The following EML1 variants were observed in gnomAD, a reference collection of about 807,000 sequenced individuals.
The protein encoded by EML1 is EMAP like 1, also known as echinoderm microtubule-associated protein-like 1.
Under a neutral mutation model 110.4 loss-of-function variants are expected in EML1, and 27 were observed. The ratio of observed to expected loss-of-function variants is 0.24; its 90% confidence interval spans 0.18 to 0.34. The LOEUF (loss-of-function observed/expected upper bound fraction) is 0.34. EML1 is among the 10% of genes least tolerant of loss of function. The pLI, the probability that EML1 is intolerant of heterozygous loss-of-function variation, is 1.00. For synonymous variants in EML1, 344 were observed against 385.8 expected, an observed-to-expected ratio of 0.89 and a Z score of 1.27; for missense variants, 741 against 1,030.9, an observed-to-expected ratio of 0.72 and a Z score of 3.85.
intron 1 of EML1, 135 bp downstream of exon 1, chr14:99,793,678 G>A (rs1276848406): frequency 8.4e-5 from 51 of 608,450 alleles, no homozygotes; most frequent in Non-Finnish European, 9.8e-5. Context: ...TTGCGGAGGG[G>A]CGCGCGGTCC....
At chr14:99,766,998 G>C (rs959971228) in intron 1 of EML1, among the ~76,000 whole-genome samples, 1 of 152,196 alleles carries the variant, frequency 6.6e-6, no homozygotes, top group African/African-American at 2.4e-5. Context: ...AGGTCCTCTT[G>C]CTGGCCCTGC....
At chr14:99,853,782 G>A (rs1400023242) in intron 2 of EML1, among the ~76,000 whole-genome samples, 1 of 152,126 alleles carries the variant, frequency 6.6e-6, no homozygotes, top group African/African-American at 2.4e-5. Flanking sequence ...CGATTCTCCA[G>A]CCTCAGCTTC....
chr14:99,914,748 C>T (rs1301694861), intron 15 of EML1, 51 bp downstream of exon 15: 4 of 1,549,612 alleles, frequency 2.6e-6, no homozygotes, highest in Non-Finnish European at 2.6e-6. Context: ...TCATCTGGAA[C>T]ATGTTTATTT....
intron 2 of EML1, among the ~76,000 whole-genome samples, chr14:99,858,704 G>A (rs2058948273): frequency 6.6e-6 from 1 of 152,174 alleles, no homozygotes; most frequent in Admixed American, 6.5e-5. Flanking sequence ...GCTGGATGAT[G>A]GTGATGGTGA....
At chr14:99,907,861 G>A (rs2059880176) in intron 10 of EML1, 128 bp downstream of exon 10, 2 of 785,652 alleles carry the variant, frequency 2.5e-6, no homozygotes, top group African/African-American at 3.5e-5. Context: ...CTTCACCTTA[G>A]AATCGTTTGG....
At chr14:99,755,219 C>T (rs907749131) in intron 1 of EML1, among the ~76,000 whole-genome samples, 9 of 152,234 alleles carry the variant, frequency 5.9e-5, no homozygotes, top group East Asian at 1.9e-4. Context: ...GGCACCCAGC[C>T]GGTGACAGGA....
chr14:99,908,988 A>T (rs2059902894), intron 10 of EML1, among the ~76,000 whole-genome samples: 2 of 152,132 alleles, frequency 1.3e-5, no homozygotes, highest in Admixed American at 1.3e-4. Context: ...GATGAGAGCA[A>T]ATGCTTGCAG....
At chr14:99,898,608 C>A (rs1268035035) in intron 8 of EML1, among the ~76,000 whole-genome samples, 1 of 152,052 alleles carries the variant, frequency 6.6e-6, no homozygotes, top group East Asian at 1.9e-4. Context: ...AAAAATTAGC[C>A]AGGCGTGGTG....
At chr14:99,843,967 T>A (rs2058669775) in intron 1 of EML1, among the ~76,000 whole-genome samples, 1 of 152,200 alleles carries the variant, frequency 6.6e-6, no homozygotes, top group South Asian at 2.1e-4. Context: ...CCCAGTGGCA[T>A]GACATTTTGA....
intron 3 of EML1, among the ~76,000 whole-genome samples, chr14:99,876,587 C>G (rs940179526): frequency 2.6e-5 from 4 of 152,180 alleles, no homozygotes; most frequent in Non-Finnish European, 4.4e-5. Context: ...CGGTGATTTC[C>G]TCTGCATCCG....
intron 1 of EML1, among the ~76,000 whole-genome samples, chr14:99,754,370 C>A (rs1364170735): frequency 6.6e-6 from 1 of 152,174 alleles, no homozygotes; most frequent in Non-Finnish European, 1.5e-5. Flanking sequence ...CTGCCTCCCC[C>A]CACGGTGGCA....
At chr14:99,840,102 G>A (rs759239326) in intron 1 of EML1, among the ~76,000 whole-genome samples, 10 of 152,196 alleles carry the variant, frequency 6.6e-5, no homozygotes, top group Non-Finnish European at 1.0e-4. Flanking sequence ...TAACTATTCC[G>A]TGAACAACGT....
In EML1 at chr14:99,907,639, A is replaced by G; in HGVS notation, c.1010A>G (p.Asn337Ser). 6.2e-7 allele frequency: 1 copy of G among 1,613,952 alleles called. No homozygotes were observed. The highest frequency in any genetic ancestry group is 1.1e-5 in the South Asian group (1 of 91,010). ...TCCTGTGAATAACTTTCTTTTCAGA[A>G]TGGAGGAACCAATCTCTGTGCTGTG... ...AVTCIAFSKS[N>S]GGTNLCAVDD... The change falls in exon 10 of 22, where the codon AAT (asparagine) becomes AGT (serine). Residue 337 changes from asparagine to serine, a missense_variant and splice_region_variant. Coordinates refer to ENST00000262233, the MANE Select transcript of EML1 (RefSeq NM_004434.3).
At chr14:99,763,727 C>T (rs760150295) in intron 1 of EML1, among the ~76,000 whole-genome samples, 39 of 152,182 alleles carry the variant, frequency 2.6e-4, no homozygotes, top group Non-Finnish European at 5.4e-4. Context: ...ATTGATTTCA[C>T]CTTTTACATC....
At chr14:99,828,941 G>A (rs77879453) in intron 1 of EML1, among the ~76,000 whole-genome samples, 4,714 of 152,156 alleles carry the variant, frequency 0.031, 94 homozygotes, top group Non-Finnish European at 0.041. Flanking sequence ...GAAGAGGAAA[G>A]CATTGGTCTT....
intron 16 of EML1, among the ~76,000 whole-genome samples, chr14:99,918,052 T>C (rs1349797112): frequency 6.6e-6 from 1 of 152,190 alleles, no homozygotes; most frequent in Non-Finnish European, 1.5e-5. Flanking sequence ...AGGAAAGCCA[T>C]AGACCCTCTC....
intron 1 of EML1, among the ~76,000 whole-genome samples, chr14:99,752,106 G>A (rs1177944823): frequency 2.6e-5 from 4 of 152,156 alleles, no homozygotes; most frequent in South Asian, 2.1e-4. Flanking sequence ...GCCCCACCGC[G>A]CAGGGCTGAT....
chr14:99,889,161 T>C (rs2059539590), intron 4 of EML1, among the ~76,000 whole-genome samples: 3 of 151,476 alleles, frequency 2.0e-5, no homozygotes, highest in Non-Finnish European at 4.4e-5. Context: ...CTTTGAGGGG[T>C]GGGTGTGTAG....
intron 1 of EML1, among the ~76,000 whole-genome samples, chr14:99,752,868 A>G (rs1430822919): frequency 6.6e-6 from 1 of 152,152 alleles, no homozygotes; most frequent in Non-Finnish European, 1.5e-5. Context: ...TTTTTTTTTA[A>G]TGATGAAACC....
Sources: allele counts gnomAD v4.1 joint callset (sites outside exome capture counted in the v4.1 genomes callset), GRCh38; gene constraint gnomAD v4.1.1; transcripts MANE v1.5; gene names NCBI Gene and HGNC (gene_info 2026-07-23, HGNC 2026-07-21).